Variants in PCDH11X observed in about 807,000 individuals in gnomAD.
The protein encoded by PCDH11X is protocadherin 11 X-linked, also known as protocadherin-11 X-linked.
In PCDH11X, 18 loss-of-function variants were observed where a neutral mutation model predicts 53.3. The observed-to-expected ratio is 0.34, with a 90% CI of 0.23 to 0.50. The LOEUF is 0.50. Among genes scored for constraint, PCDH11X ranks in the 20% least tolerant of loss-of-function variants. The pLI is 0.98. For missense variants in PCDH11X, 570 were observed against 1,032.4 expected (o/e 0.55, Z 6.14); for synonymous variants, 279 against 393.3 (o/e 0.71, Z 3.44).
chrX:91,825,672 G>C lies in PCDH11X; in HGVS notation c.-44-9789G>C, dbSNP rs953223173. Reference sequence around the variant, plus strand: ...AGGCTGGGAGCTGTAGACCGGAGCTGTTCCTATTCGGCCATCTTGGCTCCT... The same window carrying C: ...AGGCTGGGAGCTGTAGACCGGAGCTCTTCCTATTCGGCCATCTTGGCTCCT... On this transcript the variant is annotated intron_variant, in intron 4 of 10. Transcript: ENST00000682573. Among the ~76,000 whole-genome samples, 6 of 108,697 alleles carry C rather than the reference G, an allele frequency of 5.5e-5. No homozygotes were observed. The East Asian group carries it at 1.7e-3, about 31-fold the overall frequency. 94.4% of individuals were successfully genotyped at this position (108,697 alleles called of 115,157 possible).
intron 6 of PCDH11X, among the ~76,000 whole-genome samples, chrX:91,927,948 C>T (rs34269577): frequency 9.0e-6 from 1 of 111,313 alleles, no homozygotes; most frequent in Non-Finnish European, 1.9e-5. Context: ...ACTAGGGGAT[C>T]TTTCACATTC....
At chrX:92,160,156 CT>C (rs1314124500) in intron 6 of PCDH11X, among the ~76,000 whole-genome samples, 9 of 102,968 alleles carry the variant, frequency 8.7e-5, no homozygotes, top group South Asian at 4.3e-4. Context: ...TGTTTTTTTT[CT>C]TTTTTTTTTA....
chrX:92,505,657 G>A (rs1461955063), intron 10 of PCDH11X, among the ~76,000 whole-genome samples: 1 of 110,914 alleles, frequency 9.0e-6, no homozygotes, highest in Non-Finnish European at 1.9e-5. Context: ...TGTTATTTTT[G>A]CCTAGGATTG....
chrX:92,416,385 T>G (rs1402237939), intron 9 of PCDH11X, among the ~76,000 whole-genome samples: 2 of 111,152 alleles, frequency 1.8e-5, no homozygotes, highest in African/African-American at 3.3e-5. Context: ...CTCCATGATG[T>G]AATTATTTCA....
chrX:91,839,480 T>C (rs1209234052), intron 5 of PCDH11X, among the ~76,000 whole-genome samples: 1 of 102,034 alleles, frequency 9.8e-6, no homozygotes, highest in South Asian at 4.4e-4. Flanking sequence ...AAAAAAAAAT[T>C]AGCCAAGCAT....
intron 6 of PCDH11X, among the ~76,000 whole-genome samples, chrX:92,063,642 G>A (rs2063559585): frequency 8.9e-6 from 1 of 112,165 alleles, no homozygotes; most frequent in Non-Finnish European, 1.9e-5. Flanking sequence ...TTTTCGAGTT[G>A]CCATGGTTCT....
chrX:92,561,288 T>C (rs918041294), intron 10 of PCDH11X, among the ~76,000 whole-genome samples: 21 of 107,879 alleles, frequency 1.9e-4, no homozygotes, highest in African/African-American at 7.1e-4. Flanking sequence ...AAGTTTGCCC[T>C]CACCAAATGA....
chrX:92,309,415 C>G (rs1318405278), intron 8 of PCDH11X, among the ~76,000 whole-genome samples: 1 of 111,473 alleles, frequency 9.0e-6, no homozygotes, highest in Non-Finnish European at 1.9e-5. Flanking sequence ...CTGGATGATT[C>G]CACGTTGTCC....
chrX:91,846,569 G>C (rs1482233189), intron 5 of PCDH11X, among the ~76,000 whole-genome samples: 8 of 106,802 alleles, frequency 7.5e-5, no homozygotes, highest in Non-Finnish European at 1.5e-4. Context: ...AGTGAGCCCA[G>C]ATCGCGCCAC....
At chrX:92,262,355 G>C (rs1306405663) in intron 7 of PCDH11X, among the ~76,000 whole-genome samples, 1 of 111,564 alleles carries the variant, frequency 9.0e-6, no homozygotes, top group Non-Finnish European at 1.9e-5. Flanking sequence ...TCATTAGCTG[G>C]AAATGTTGAC....
At chrX:91,857,403 T>C (rs1938412244) in intron 5 of PCDH11X, among the ~76,000 whole-genome samples, 1 of 111,345 alleles carries the variant, frequency 9.0e-6, no homozygotes, top group Non-Finnish European at 1.9e-5. Flanking sequence ...AGAACTCATG[T>C]CATCACATTT....
chrX:91,791,769 ACATCTT>A (rs1935549621), intron 1 of PCDH11X, among the ~76,000 whole-genome samples: 1 of 104,038 alleles, frequency 9.6e-6, no homozygotes, highest in South Asian at 4.4e-4. Flanking sequence ...AGATAGCAAA[ACATCTT>A]CATACTCTAT....
intron 9 of PCDH11X, among the ~76,000 whole-genome samples, chrX:92,446,749 C>A (rs1365716765): frequency 3.6e-5 from 4 of 111,441 alleles, no homozygotes; most frequent in Non-Finnish European, 7.5e-5. Context: ...AAAAGATACC[C>A]GAAAATGTGG....
At chrX:91,982,153 C>A (rs184211711) in intron 6 of PCDH11X, among the ~76,000 whole-genome samples, 8 of 110,678 alleles carry the variant, frequency 7.2e-5, no homozygotes, top group Middle Eastern at 4.7e-3. Flanking sequence ...AGTGACCACA[C>A]CCTGCAGACC....
At chrX:92,070,537 T>G (rs2148077638) in intron 6 of PCDH11X, among the ~76,000 whole-genome samples, 1 of 111,798 alleles carries the variant, frequency 8.9e-6, no homozygotes, top group Admixed American at 9.5e-5. Flanking sequence ...ATGCAAGATG[T>G]ATTGGAGCTT....
intron 5 of PCDH11X, among the ~76,000 whole-genome samples, chrX:91,846,970 G>C (rs761509670): frequency 5.2e-4 from 58 of 111,685 alleles, no homozygotes; most frequent in African/African-American, 1.8e-3. Flanking sequence ...ATCAGTCGGT[G>C]CTTCTTAAAA....
chrX:92,365,465 C>G (rs1229784323), intron 8 of PCDH11X, among the ~76,000 whole-genome samples: 1 of 110,123 alleles, frequency 9.1e-6, no homozygotes, highest in Non-Finnish European at 1.9e-5. Flanking sequence ...TGGTCTGGAA[C>G]TCCTGGACTC....
chrX:92,453,437 A>G (rs1024039946), intron 9 of PCDH11X, among the ~76,000 whole-genome samples: 2 of 111,366 alleles, frequency 1.8e-5, no homozygotes, highest in African/African-American at 6.5e-5. Context: ...TTGCATACCA[A>G]GTAAGCAATG....
intron 6 of PCDH11X, among the ~76,000 whole-genome samples, chrX:92,170,264 G>C (rs2065801152): frequency 9.1e-6 from 1 of 109,844 alleles, no homozygotes; most frequent in African/African-American, 3.3e-5. Flanking sequence ...TAAATTTAAG[G>C]GAAAATATTA....
Sources: gnomAD v4.1 joint callset for allele counts (sites outside exome capture counted in the v4.1 genomes callset) on GRCh38, gnomAD v4.1.1 for gene constraint, MANE v1.5 for transcripts, NCBI Gene and HGNC (gene_info 2026-07-23, HGNC 2026-07-21) for gene names.